The following GTF3C5 variants were observed in gnomAD, a reference collection of about 807,000 sequenced individuals.
The protein encoded by GTF3C5 is general transcription factor IIIC subunit 5, also known as general transcription factor 3C polypeptide 5.
Under a neutral mutation model 61.0 loss-of-function variants are expected in GTF3C5, and 47 were observed. That is an observed-to-expected ratio of 0.77 (90% CI 0.61 to 0.98). The LOEUF (loss-of-function observed/expected upper bound fraction) is 0.98, where lower values mean the gene tolerates loss of function less well. Ranked by LOEUF, GTF3C5 falls within the 50% of genes least tolerant of loss-of-function variation. The pLI, the probability that GTF3C5 is intolerant of heterozygous loss-of-function variation, is 0.00. For missense variants in GTF3C5, 659 were observed against 703.3 expected, an observed-to-expected ratio of 0.94 and a Z score of 0.71; for synonymous variants, 295 against 275.4, an observed-to-expected ratio of 1.07 and a Z score of -0.71.
At chr9:133,035,695 G>C (rs1182290269) in intron 1 of GTF3C5, among the ~76,000 whole-genome samples, 4 of 152,190 alleles carry the variant, frequency 2.6e-5, no homozygotes, top group African/African-American at 9.7e-5. Flanking sequence ...TAGGTGAAAA[G>C]TGAGCGTTTT....
intron 3 of GTF3C5, among the ~76,000 whole-genome samples, chr9:133,045,317 C>T (rs1013355910): frequency 2.6e-5 from 4 of 152,180 alleles, no homozygotes; most frequent in African/African-American, 7.2e-5. Flanking sequence ...ATGGGGTCAG[C>T]GCCACGTCCC....
In GTF3C5 at chr9:133,042,181, G is replaced by C; in HGVS notation, c.248G>C (p.Ser83Thr). Residue 83 changes from serine (S) to threonine (T), a missense_variant, in exon 2 of 11, where the codon AGC becomes ACC. Transcript: ENST00000372097. ...PVCANRFSTS[S>T]LLLRIRKRTR... Reference sequence around the variant, plus strand: ...TGCGCCAACCGCTTCAGTACCAGCAGCCTGCTGCTCCGCATCAGGAAGAGA... The same window carrying C: ...TGCGCCAACCGCTTCAGTACCAGCACCCTGCTGCTCCGCATCAGGAAGAGA... 6.2e-7 allele frequency: 1 copy of C among 1,613,594 alleles called. No homozygotes were observed. Among genetic ancestry groups the C allele is most frequent in the Non-Finnish European group, 8.5e-7 (1 of 1,179,454 alleles).
In GTF3C5 at chr9:133,054,479, A is replaced by G. The variant is rs754419343; in HGVS notation, c.1060A>G (p.Lys354Glu). The G allele has an allele frequency of 6.2e-7, 1 of 1,614,068 alleles. No homozygotes were observed. Among genetic ancestry groups the G allele is most frequent in the Non-Finnish European group, 8.5e-7 (1 of 1,179,934 alleles). Residue 354 changes from lysine to glutamate, a missense_variant, in exon 7 of 11, where the codon AAG becomes GAG. Physicochemically the swap from Lys to Glu is moderately conservative, Grantham distance 56. Coordinates refer to ENST00000372097, the MANE Select transcript of GTF3C5 (RefSeq NM_012087.4). ...CAACTACAGCCTCCCCATCACCGTC[A>G]AGAAGACATGTAAGCGTGCCAGGCG... ...TYNYSLPITVKKTSSQLVTMH... is the reference protein window; with the variant it reads ...TYNYSLPITVEKTSSQLVTMH...
At chr9:133,043,142 G>C (rs1350301301) in intron 2 of GTF3C5, among the ~76,000 whole-genome samples, 2 of 152,236 alleles carry the variant, frequency 1.3e-5, no homozygotes, top group Non-Finnish European at 2.9e-5. Context: ...AGGAGAAGCA[G>C]GACCTGGGGT....
intron 1 of GTF3C5, 32 bp from the exon 2 acceptor site, chr9:133,042,055 G>A (rs1850053222): frequency 6.6e-7 from 1 of 1,513,406 alleles, no homozygotes; most frequent in African/African-American, 1.4e-5. Flanking sequence ...GCTTGTCATT[G>A]CTTCACTCTG....
chr9:133,045,520 C>A (rs1012179202), intron 3 of GTF3C5, among the ~76,000 whole-genome samples: 1 of 152,330 alleles, frequency 6.6e-6, no homozygotes, highest in Non-Finnish European at 1.5e-5. Flanking sequence ...GTCATAGCCC[C>A]GGTGCCCAGA....
intron 1 of GTF3C5, among the ~76,000 whole-genome samples, chr9:133,039,833 T>G (rs1038217980): frequency 6.6e-6 from 1 of 152,190 alleles, no homozygotes; most frequent in African/African-American, 2.4e-5. Context: ...ATGCCATTTT[T>G]ATTCACATTT....
chr9:133,041,484 G>C (rs533216608), intron 1 of GTF3C5, among the ~76,000 whole-genome samples: 47 of 152,222 alleles, frequency 3.1e-4, no homozygotes, highest in African/African-American at 1.0e-3. Flanking sequence ...TGTCTGCCTC[G>C]GCTGCCAGGC....
At chr9:133,035,331 C>T (rs1022283212) in intron 1 of GTF3C5, among the ~76,000 whole-genome samples, 2 of 152,160 alleles carry the variant, frequency 1.3e-5, no homozygotes, top group African/African-American at 4.8e-5. Flanking sequence ...AATTTGGACA[C>T]TTTGGGACGG....
chr9:133,038,619 T>C (rs1837953445), intron 1 of GTF3C5, among the ~76,000 whole-genome samples: 1 of 150,250 alleles, frequency 6.7e-6, no homozygotes, highest in African/African-American at 2.5e-5. Context: ...CCCGGCTAAT[T>C]TTTGTTTTTT....
At chr9:133,048,190 G>A (rs1469385936) in intron 3 of GTF3C5, among the ~76,000 whole-genome samples, 1 of 151,832 alleles carries the variant, frequency 6.6e-6, no homozygotes, top group Non-Finnish European at 1.5e-5. Context: ...ACTCTTGTCA[G>A]AAACAAAAAT....
At chr9:133,040,897 A>G (rs762714216) in intron 1 of GTF3C5, among the ~76,000 whole-genome samples, 2 of 152,260 alleles carry the variant, frequency 1.3e-5, no homozygotes, top group African/African-American at 4.8e-5. Flanking sequence ...ATGATTATAT[A>G]TGAATATCAT....
rs747845097 is a variant in GTF3C5 at position 133,042,248 on chromosome 9, C to T, written c.315C>T (p.Ser105=). ...QKGVLGTEAH[S]EVTFDMEILG... ...GGGTGCTGGGCACTGAGGCCCACTC[C>T]GAGGTCACATTTGACATGGAGATCC... The change falls in exon 2 of 11, where the codon TCC becomes TCT. Residue 105 remains serine, a synonymous_variant. Coordinates refer to ENST00000372097, the MANE Select transcript of GTF3C5 (RefSeq NM_012087.4). The T allele has an allele frequency of 5.2e-5, 84 of 1,613,646 alleles. No homozygotes were observed. The highest frequency in any genetic ancestry group is 1.8e-4 in the East Asian group (8 of 44,900).
At chr9:133,056,237 G>A in intron 9 of GTF3C5, 143 bp downstream of exon 9, 1 of 679,776 alleles carries the variant, frequency 1.5e-6, no homozygotes, top group South Asian at 1.8e-5. Context: ...GCTGCCGAGA[G>A]CCCTGGCATG....
At chr9:133,037,348 C>T (rs1490745769) in intron 1 of GTF3C5, among the ~76,000 whole-genome samples, 1 of 152,098 alleles carries the variant, frequency 6.6e-6, no homozygotes, top group Non-Finnish European at 1.5e-5. Context: ...TCAGTATGAC[C>T]CATCTGACTT....
intron 1 of GTF3C5, among the ~76,000 whole-genome samples, chr9:133,041,569 T>C (rs896624322): frequency 3.3e-5 from 5 of 152,194 alleles, no homozygotes; most frequent in African/African-American, 9.7e-5. Context: ...TCACACTCTT[T>C]ACCCTGCCCC....
At chr9:133,034,171 G>A (rs1849805306) in intron 1 of GTF3C5, among the ~76,000 whole-genome samples, 2 of 152,176 alleles carry the variant, frequency 1.3e-5, no homozygotes, top group African/African-American at 4.8e-5. Context: ...GGAGTGGAGC[G>A]ATGGATAAGT....
At chr9:133,045,336 C>T (rs1354561656) in intron 3 of GTF3C5, among the ~76,000 whole-genome samples, 1 of 152,218 alleles carries the variant, frequency 6.6e-6, no homozygotes, top group Non-Finnish European at 1.5e-5. Context: ...CCGCCGGCAG[C>T]ACCGCCCTGG....
At chr9:133,035,747 A>G (rs769130464) in intron 1 of GTF3C5, among the ~76,000 whole-genome samples, 2 of 152,200 alleles carry the variant, frequency 1.3e-5, no homozygotes, top group Non-Finnish European at 2.9e-5. Context: ...CTGCAAGGTT[A>G]TTACCTCGAC....
Sources: gnomAD v4.1 joint callset for allele counts (sites outside exome capture counted in the v4.1 genomes callset) on GRCh38, gnomAD v4.1.1 for gene constraint, MANE v1.5 for transcripts, NCBI Gene and HGNC (gene_info 2026-07-23, HGNC 2026-07-21) for gene names.